Variants in P2RX5 observed in about 807,000 individuals in gnomAD.
P2RX5 encodes the protein P2X purinoceptor 5.
In P2RX5, 46 loss-of-function variants were observed where a neutral mutation model predicts 54.1. The observed-to-expected ratio is 0.85, with a 90% CI of 0.67 to 1.09. The LOEUF is 1.09. Ranked by LOEUF, P2RX5 falls within the 50% of genes least tolerant of loss-of-function variation. The pLI is 0.00. For missense variants in P2RX5, 566 were observed against 549.8 expected, an observed-to-expected ratio of 1.03 and a Z score of -0.29; for synonymous variants, 226 against 226.4, an observed-to-expected ratio of 1.00 and a Z score of 0.02.
At chr17:3,680,778 T>C (rs370866839) in intron 10 of P2RX5, among the ~76,000 whole-genome samples, 1,604 of 16,202 alleles carry the variant, frequency 0.099, 8 homozygotes, top group Non-Finnish European at 0.099. Context: ...CTCCACCCAG[T>C]GTCCTCCACC....
chr17:3,679,470 G>T, intron 11 of P2RX5, 120 bp downstream of exon 11: 1 of 865,118 alleles, frequency 1.2e-6, no homozygotes, highest in Non-Finnish European at 1.8e-6. Flanking sequence ...GTCCTGCCTT[G>T]TGGCCAGCTC....
the P2RX5 span, chr17:3,716,809 CAA>C: frequency 2.1e-6 from 3 of 1,420,612 alleles, no homozygotes; most frequent in Admixed American, 1.8e-5. Context: ...CTAGACAAGA[CAA>C]AGAGATCGCC....
At chr17:3,674,259 C>A (rs1490826973) in intron 11 of P2RX5, among the ~76,000 whole-genome samples, 1 of 151,556 alleles carries the variant, frequency 6.6e-6, no homozygotes, top group Non-Finnish European at 1.5e-5. Context: ...TGCAGTGAGC[C>A]GAGATCGCGC....
chr17:3,699,897 GGAAGGAAGGAAGGAAGGAAGGAAA>G, upstream of P2RX5, among the ~76,000 whole-genome samples: 1 of 30,500 alleles, frequency 3.3e-5, no homozygotes, highest in East Asian at 6.4e-4. Flanking sequence ...AAGGAAGGAA[GGAAGGAAGGAAGGAAGGAAGGAAA>G]GAAAGAAAGA....
chr17:3,716,736 G>A, the P2RX5 span: 119 of 1,611,314 alleles, frequency 7.4e-5, no homozygotes, highest in Middle Eastern at 1.6e-4. Flanking sequence ...GTCCACCAAC[G>A]CTGCCTTTAA....
In P2RX5 at chr17:3,679,642, T is replaced by C; in HGVS notation, c.1207A>G (p.Ser403Gly). 1 of 1,610,240 alleles carries C rather than the reference T, an allele frequency of 6.2e-7. No homozygotes were observed. The highest frequency in any genetic ancestry group is 8.5e-7 in the Non-Finnish European group (1 of 1,179,824). ...ACAGATCCGTTCCCCTTCTGACTGC[T>C]GCTTCCACGCTTCGCCTCGGGTGGC... ...QEPPEAKRGSSSQKGNGSVCP... is the reference protein window; with the variant it reads ...QEPPEAKRGSGSQKGNGSVCP... Residue 403 changes from serine to glycine, a missense_variant, in exon 11 of 12, where the codon AGC (serine) becomes GGC (glycine). Coordinates refer to ENST00000225328, the MANE Select transcript of P2RX5 (RefSeq NM_002561.4).
chr17:3,719,234 T>TAAAAAAAAAAAAAAAAAAAAAAAAAAA, the P2RX5 span, among the ~76,000 whole-genome samples: 4 of 34,838 alleles, frequency 1.1e-4, no homozygotes, highest in African/African-American at 3.6e-4. Context: ...AGATTCTTCC[T>TAAAAAAAAAAAAAAAAAAAAAAAAAAA]CAAAAAAAAA....
the P2RX5 span, among the ~76,000 whole-genome samples, chr17:3,713,481 T>C: frequency 1.3e-5 from 2 of 152,196 alleles, no homozygotes; most frequent in East Asian, 3.8e-4. Context: ...CCAGGCGCGG[T>C]GGCTCATGCC....
chr17:3,677,087 G>A, intron 11 of P2RX5: 2 of 985,218 alleles, frequency 2.0e-6, no homozygotes, highest in Non-Finnish European at 2.4e-6. Context: ...TAAAAAGCAA[G>A]GCCCTACAGC....
chr17:3,712,860 T>C, the P2RX5 span, among the ~76,000 whole-genome samples: 1 of 152,076 alleles, frequency 6.6e-6, no homozygotes, highest in African/African-American at 2.4e-5. Flanking sequence ...GGAGAATTGC[T>C]GGAACCCGGG....
chr17:3,693,887 TG>T (rs1268298664), intron 1 of P2RX5, among the ~76,000 whole-genome samples: 1 of 151,566 alleles, frequency 6.6e-6, no homozygotes, highest in Non-Finnish European at 1.5e-5. Context: ...AGTGCACTGG[TG>T]CGAGTAGCTG....
intron 2 of P2RX5, 97 bp downstream of exon 2, chr17:3,691,547 A>T: frequency 6.9e-7 from 1 of 1,458,972 alleles, no homozygotes; most frequent in Non-Finnish European, 9.5e-7. Flanking sequence ...GAGATGATGG[A>T]TGGGGGTCCC....
At chr17:3,689,455 G>GC in intron 7 of P2RX5, 37 bp downstream of exon 7, 1 of 1,611,770 alleles carries the variant, frequency 6.2e-7, no homozygotes, top group Non-Finnish European at 8.5e-7. Flanking sequence ...GTGCCCCCAG[G>GC]CCCTCAGGGA....
At chr17:3,707,498 C>T in the P2RX5 span, among the ~76,000 whole-genome samples, 1 of 152,252 alleles carries the variant, frequency 6.6e-6, no homozygotes, top group African/African-American at 2.4e-5. Context: ...GTTTGCAGCA[C>T]CAAAGTGAGC....
intron 1 of P2RX5, 21 bp from the exon 2 acceptor site, chr17:3,691,815 C>T (rs774534125): frequency 9.3e-6 from 15 of 1,613,754 alleles, no homozygotes; most frequent in South Asian, 8.8e-5. Context: ...GGGGCCGGTA[C>T]GTGGGCATCA....
intron 9 of P2RX5, among the ~76,000 whole-genome samples, chr17:3,683,364 C>A (rs538194972): frequency 1.3e-5 from 2 of 152,358 alleles, no homozygotes; most frequent in African/African-American, 4.8e-5. Context: ...TTGACCACCA[C>A]CTCTTCCTGC....
chr17:3,718,843 T>C, the P2RX5 span, among the ~76,000 whole-genome samples: 20,780 of 152,210 alleles, frequency 0.14, 4,741 homozygotes, highest in African/African-American at 0.47. Flanking sequence ...CTTGCTATTA[T>C]TTTTATTTGT....
chr17:3,701,448 T>C, the P2RX5 span, among the ~76,000 whole-genome samples: 9 of 152,242 alleles, frequency 5.9e-5, no homozygotes, highest in African/African-American at 2.2e-4. Context: ...ATCCCAGCAC[T>C]TTGGGAGGCC....
Position 3,679,704 on chromosome 17 carries a change from C to A in P2RX5, c.1145G>T (p.Gly382Val). ...CTGCTGCTCCGGCATCCCCAGCAGC[C>A]CTGGCCCAGATGTGAGCTGCTCAGA... Reference protein sequence around the residue: ...GLSEQLTSGPGLLGMPEQQEL... With the variant: ...GLSEQLTSGPVLLGMPEQQEL... Residue 382 changes from glycine (G) to valine (V), a missense_variant, in exon 11 of 12, where the codon GGG (glycine) becomes GTG (valine). By Grantham distance (109) the Gly-to-Val change is moderately radical. Coordinates refer to ENST00000225328, the MANE Select transcript of P2RX5 (RefSeq NM_002561.4). The A allele has an allele frequency of 1.2e-6, 2 of 1,612,378 alleles. No individual in the cohort carries two copies. Among genetic ancestry groups the A allele is most frequent in the South Asian group, 1.1e-5 (1 of 91,082 alleles).
Sources: allele counts gnomAD v4.1 joint callset (sites outside exome capture counted in the v4.1 genomes callset), GRCh38; gene constraint gnomAD v4.1.1; transcripts MANE v1.5; gene names NCBI Gene and HGNC (gene_info 2026-07-23, HGNC 2026-07-21).